HEXA: variants seen among roughly 807,000 people sequenced by gnomAD.
The protein encoded by HEXA is hexosaminidase subunit alpha, also known as beta-hexosaminidase subunit alpha.
Under a neutral mutation model 73.3 loss-of-function variants are expected in HEXA, and 54 were observed. That is an observed-to-expected ratio of 0.74 (90% CI 0.59 to 0.92). The LOEUF (loss-of-function observed/expected upper bound fraction) is 0.92, where lower values mean the gene tolerates loss of function less well. HEXA is among the 40% of genes least tolerant of loss of function. The pLI, the probability that HEXA is intolerant of heterozygous loss-of-function variation, is 0.00. For synonymous variants in HEXA, 230 were observed against 246.9 expected, an observed-to-expected ratio of 0.93 and a Z score of 0.64; for missense variants, 649 against 653.0, an observed-to-expected ratio of 0.99 and a Z score of 0.07.
intron 10 of HEXA, among the ~76,000 whole-genome samples, chr15:72,347,083 C>G (rs570828667): frequency 1.3e-5 from 2 of 151,218 alleles, no homozygotes; most frequent in East Asian, 3.9e-4. Context: ...TGACAGGAGA[C>G]TGGGATCTTA....
At chr15:72,360,410 A>G (rs1226247310) in intron 1 of HEXA, 1 of 152,258 alleles carries the variant, frequency 6.6e-6, no homozygotes, top group Non-Finnish European at 1.5e-5. Context: ...AGAACTTTCA[A>G]CTATCCCTAC....
rs1334349285 is a variant in HEXA, at chr15:72,362,431, G to A, written c.254-5814C>T. ...CAATCTCAGTGTCTTTGTATTCCCA[G>A]TGCCTGACACACAGCAGTCATTCAG... On this transcript the variant is annotated intron_variant, in intron 1 of 13. Coordinates refer to ENST00000268097, the MANE Select transcript of HEXA (RefSeq NM_000520.6). 4 of 455,726 alleles carry A rather than the reference G, an allele frequency of 8.8e-6. No homozygotes were observed. The East Asian group carries it at 2.1e-4, about 24-fold the overall frequency. 28.2% of individuals were successfully genotyped at this position (455,726 alleles called of 1,614,324 possible).
chr15:72,355,688 G>T, intron 2 of HEXA, 64 bp from the exon 3 acceptor site: 2 of 1,068,110 alleles, frequency 1.9e-6, no homozygotes, highest in Non-Finnish European at 1.5e-6. Context: ...TTATAGACCA[G>T]ATATTCTATA....
chr15:72,365,604 C>G (rs558054375), intron 1 of HEXA, among the ~76,000 whole-genome samples: 27 of 152,256 alleles, frequency 1.8e-4, no homozygotes, highest in Non-Finnish European at 3.2e-4. Context: ...TAGTTTCCTT[C>G]ATTTCTGTCT....
intron 1 of HEXA, among the ~76,000 whole-genome samples, chr15:72,363,555 C>T (rs545640070): frequency 1.8e-4 from 28 of 152,316 alleles, no homozygotes; most frequent in Middle Eastern, 3.4e-3. Flanking sequence ...GTGAAGCCGA[C>T]TGCCCTGAGC....
chr15:72,344,246 C>A (rs1195987292), intron 13 of HEXA, 106 bp from the exon 14 acceptor site: 3 of 775,224 alleles, frequency 3.9e-6, no homozygotes. Context: ...CGGTGACTCT[C>A]AAACTGTCAC....
rs911398032 is a variant in HEXA at position 72,353,087 on chromosome 15, G to T, written c.551C>A (p.Ser184Tyr). 4 of 1,611,272 alleles carry T rather than the reference G, an allele frequency of 2.5e-6. No individual in the cohort carries two copies. The change falls in exon 5 of 14, where the codon TCT becomes TAT. Residue 184 changes from serine (S) to tyrosine (Y), a missense_variant. Physicochemically the swap from Ser to Tyr is moderately radical, Grantham distance 144 (BLOSUM62 -2). Transcript: ENST00000268097. ...LDTSRHYLPL[S>Y]SILDTLDVMA... is the part of the protein sequence containing the mutation. ...GGTTACCAGAGTGTCCAGGATGCTAGAGAGTGGCAGGTAATGGCGAGATGT... is the reference window on the plus strand; with the variant it reads ...GGTTACCAGAGTGTCCAGGATGCTATAGAGTGGCAGGTAATGGCGAGATGT...
At chr15:72,347,203 T>C (rs1171606309) in intron 10 of HEXA, among the ~76,000 whole-genome samples, 1 of 139,954 alleles carries the variant, frequency 7.1e-6, no homozygotes, top group Non-Finnish European at 1.6e-5. Flanking sequence ...ACAGCAGAAA[T>C]AGTTCTTAAT....
intron 1 of HEXA, chr15:72,370,491 G>C (rs1456936388): frequency 2.5e-6 from 1 of 394,742 alleles, no homozygotes; most frequent in African/African-American, 2.1e-5. Flanking sequence ...AGGGGTTCAA[G>C]ACCAGCCTGG....
Position 72,352,137 on chromosome 15 carries a change from C to T in HEXA, c.571-903G>A, listed in dbSNP as rs576449810. ...GCGCCTGGCTAATTTTTTGTATTTTCAGTAGAGATGGGGTTTCACCGTCTT... is the reference window on the plus strand; with the variant it reads ...GCGCCTGGCTAATTTTTTGTATTTTTAGTAGAGATGGGGTTTCACCGTCTT... On this transcript the variant is annotated intron_variant, in intron 5 of 13. Coordinates refer to ENST00000268097, the MANE Select transcript of HEXA (RefSeq NM_000520.6). Among the ~76,000 whole-genome samples, 11 of 152,108 alleles carry T rather than the reference C, an allele frequency of 7.2e-5. No individual in the cohort carries two copies. In the East Asian group the frequency reaches 2.1e-3, roughly 30 times the overall value.
At chr15:72,370,263 T>C (rs2088971887) in intron 1 of HEXA, 1 of 186,992 alleles carries the variant, frequency 5.3e-6, no homozygotes, top group African/African-American at 2.3e-5. Context: ...AAACAGAATA[T>C]CCAAAGCAGG....
At chr15:72,355,841 G>A (rs1402476107) in intron 2 of HEXA, 1 of 604,728 alleles carries the variant, frequency 1.7e-6, no homozygotes, top group Non-Finnish European at 3.1e-6. Context: ...CAGTGACTCT[G>A]TAGACCCTGG....
chr15:72,356,388 C>A lies in HEXA; in HGVS notation c.346+137G>T, dbSNP rs2088779489. The A allele has an allele frequency of 4.6e-6, 4 of 867,388 alleles. No individual in the cohort carries two copies. The Admixed American group carries it at 6.0e-5, about 13-fold the overall frequency. 53.7% of individuals were successfully genotyped at this position (867,388 alleles called of 1,614,324 possible). A position where few individuals can be genotyped will look rare whatever the true frequency, so the allele number is the denominator to read the frequency against. On this transcript the variant is annotated intron_variant, in intron 2 of 13. Coordinates refer to ENST00000268097, the MANE Select transcript of HEXA (RefSeq NM_000520.6). ...GGAAAAACTCATCTTCCATGGCTCTCAGCACTTGGTGACCCTCGGTCCCCA... is the reference window on the plus strand; with the variant it reads ...GGAAAAACTCATCTTCCATGGCTCTAAGCACTTGGTGACCCTCGGTCCCCA...
intron 1 of HEXA, among the ~76,000 whole-genome samples, chr15:72,369,716 G>A (rs943617037): frequency 6.6e-6 from 1 of 152,148 alleles, no homozygotes; most frequent in African/African-American, 2.4e-5. Flanking sequence ...TTTCTTAAAA[G>A]AAGTACTGGT....
At chr15:72,368,507 C>A (rs1183735451) in intron 1 of HEXA, among the ~76,000 whole-genome samples, 8 of 152,200 alleles carry the variant, frequency 5.3e-5, no homozygotes, top group Admixed American at 3.9e-4. Flanking sequence ...TAACATACAT[C>A]AAGTGCCAGA....
intron 1 of HEXA, chr15:72,357,911 C>T (rs2088806534): frequency 6.6e-6 from 1 of 152,234 alleles, no homozygotes; most frequent in Admixed American, 6.5e-5. Flanking sequence ...GATCCCCACA[C>T]CAATACCTGC....
chr15:72,346,457 C>A (rs1029249597), intron 11 of HEXA, 70 bp downstream of exon 11: 3 of 1,550,910 alleles, frequency 1.9e-6, no homozygotes, highest in African/African-American at 2.7e-5. Flanking sequence ...CTGGCCCAGA[C>A]CTTCCTGCCT....
Position 72,367,866 on chromosome 15 carries a change from C to T in HEXA, c.253+7854G>A, listed in dbSNP as rs186606940. ...TCTACTTTTAGATCTCCTTCAACAGCTCTCTAGGAAAGCCTTTTCAATGTG... is the reference window on the plus strand; with the variant it reads ...TCTACTTTTAGATCTCCTTCAACAGTTCTCTAGGAAAGCCTTTTCAATGTG... On this transcript the variant is annotated intron_variant, in intron 1 of 13. Coordinates refer to ENST00000268097, the MANE Select transcript of HEXA (RefSeq NM_000520.6). Among the ~76,000 whole-genome samples, 375 of 152,316 alleles carry T rather than the reference C, an allele frequency of 2.5e-3. 1 individual carries two copies. Among genetic ancestry groups the T allele is most frequent in the Admixed American group, 4.4e-3 (67 of 15,302 alleles).
intron 1 of HEXA, chr15:72,360,207 C>T (rs2088836347): frequency 6.5e-6 from 1 of 153,296 alleles, no homozygotes; most frequent in African/African-American, 2.4e-5. Context: ...CTACTGTACC[C>T]TACTGGAGGG....
Sources: gnomAD v4.1 joint callset for allele counts (sites outside exome capture counted in the v4.1 genomes callset) on GRCh38, gnomAD v4.1.1 for gene constraint, MANE v1.5 for transcripts, NCBI Gene and HGNC (gene_info 2026-07-23, HGNC 2026-07-21) for gene names.